BANK1: variants seen among roughly 807,000 people sequenced by gnomAD.
BANK1 encodes the protein B cell scaffold protein with ankyrin repeats 1, also known as B-cell scaffold protein with ankyrin repeats.
Under a neutral mutation model 94.5 loss-of-function variants are expected in BANK1, and 95 were observed. The ratio of observed to expected loss-of-function variants is 1.00; its 90% CI spans 0.85 to 1.19. The LOEUF is 1.19. BANK1 is among the 50% of genes most tolerant of loss of function. BANK1 has a pLI of 0.00. For missense variants in BANK1, 987 were observed against 932.2 expected (o/e 1.06, Z -0.77); for synonymous variants, 334 against 308.4 (o/e 1.08, Z -0.87).
intron 5 of BANK1, among the ~76,000 whole-genome samples, chr4:101,887,857 A>C (rs1170972962): frequency 6.6e-6 from 1 of 152,194 alleles, no homozygotes; most frequent in African/African-American, 2.4e-5. Context: ...TCTCTTTTAG[A>C]TTTATACATT....
At chr4:101,800,137 G>A (rs540619448) in intron 1 of BANK1, among the ~76,000 whole-genome samples, 35 of 21,132 alleles carry the variant, frequency 1.7e-3, no homozygotes, top group African/African-American at 5.6e-3. Flanking sequence ...GTTGTTGGGT[G>A]GGGGGAGGGG....
At chr4:101,847,050 C>A (rs976650237) in intron 2 of BANK1, among the ~76,000 whole-genome samples, 1 of 152,142 alleles carries the variant, frequency 6.6e-6, no homozygotes, top group African/African-American at 2.4e-5. Flanking sequence ...TGCCTCCCCT[C>A]ATTAGATTGC....
intron 2 of BANK1, among the ~76,000 whole-genome samples, chr4:101,839,936 AATTTTTTTT>A (rs1396537020): frequency 0.025 from 2,007 of 78,970 alleles, 140 homozygotes; most frequent in African/African-American, 0.088. Flanking sequence ...TCAAATATTT[AATTTTTTTT>A]TTTTTTTTTT....
chr4:101,954,124 A>G (rs1261298695), intron 7 of BANK1, among the ~76,000 whole-genome samples: 1 of 151,924 alleles, frequency 6.6e-6, no homozygotes, highest in East Asian at 1.9e-4. Context: ...TCTTCACAAT[A>G]TGTTTTCCCT....
intron 3 of BANK1, among the ~76,000 whole-genome samples, chr4:101,857,700 ATTTC>A (rs1273278284): frequency 6.6e-6 from 1 of 151,994 alleles, no homozygotes; most frequent in African/African-American, 2.4e-5. Flanking sequence ...ATTTTACTTT[ATTTC>A]TTTAACTTTT....
Position 101,971,954 on chromosome 4 carries a change from C to T in BANK1, c.1207-49560C>T, listed in dbSNP as rs190644500. Among the ~76,000 whole-genome samples, 162 of 152,048 alleles carry T rather than the reference C, an allele frequency of 1.1e-3. 1 individual carries two copies. The highest frequency in any genetic ancestry group is 3.9e-3 in the African/African-American group (161 of 41,508). ...CTTTGTTCTTTTTGTACAATATTGC[C>T]TTGGCTATTTGGGGTTCTTTGTGTT... is the stretch of plus-strand genomic sequence containing the variant. On this transcript the variant is annotated intron_variant, in intron 7 of 16. Coordinates refer to ENST00000322953, the MANE Select transcript of BANK1 (RefSeq NM_017935.5).
At chr4:101,904,589 A>C (rs1031531390) in intron 6 of BANK1, among the ~76,000 whole-genome samples, 2 of 152,094 alleles carry the variant, frequency 1.3e-5, no homozygotes, top group Non-Finnish European at 1.5e-5. Context: ...AAACCTTGCA[A>C]ATTTTTTTCT....
chr4:101,929,885 T>G (rs904861355), intron 7 of BANK1, among the ~76,000 whole-genome samples: 3 of 151,466 alleles, frequency 2.0e-5, no homozygotes, highest in Admixed American at 2.0e-4. Flanking sequence ...GAAGTCTAGT[T>G]ACAAGAAATA....
intron 1 of BANK1, among the ~76,000 whole-genome samples, chr4:101,820,323 T>G (rs540428796): frequency 4.6e-5 from 7 of 152,348 alleles, no homozygotes; most frequent in African/African-American, 1.4e-4. Flanking sequence ...AATCGTTTTT[T>G]GTGGAATTTT....
At chr4:102,045,612 A>G (rs1004268000) in intron 11 of BANK1, among the ~76,000 whole-genome samples, 3 of 152,150 alleles carry the variant, frequency 2.0e-5, no homozygotes, top group Admixed American at 6.6e-5. Context: ...TACAAAATCA[A>G]TGTACAAAAA....
At chr4:101,835,556 A>C (rs1726791975) in intron 2 of BANK1, among the ~76,000 whole-genome samples, 2 of 152,212 alleles carry the variant, frequency 1.3e-5, no homozygotes, top group Non-Finnish European at 2.9e-5. Context: ...ACACTTTTTA[A>C]AAGAAGGACA....
At chr4:102,013,713 T>C (rs924627965) in intron 7 of BANK1, among the ~76,000 whole-genome samples, 1 of 151,926 alleles carries the variant, frequency 6.6e-6, no homozygotes, top group African/African-American at 2.4e-5. Flanking sequence ...TTTAATCTTT[T>C]GAAGATTTGG....
At chr4:101,938,394 C>T (rs1020179996) in intron 7 of BANK1, among the ~76,000 whole-genome samples, 1 of 151,298 alleles carries the variant, frequency 6.6e-6, no homozygotes, top group Non-Finnish European at 1.5e-5. Flanking sequence ...TGTAGCACAA[C>T]AGGGTTACTA....
At chr4:101,911,665 G>A (rs550671944) in intron 6 of BANK1, among the ~76,000 whole-genome samples, 2 of 152,244 alleles carry the variant, frequency 1.3e-5, no homozygotes, top group Admixed American at 1.3e-4. Flanking sequence ...TAATATTTGA[G>A]CTCCCCAAAT....
chr4:101,863,151 T>G (rs1242922689), intron 4 of BANK1, among the ~76,000 whole-genome samples: 1 of 152,046 alleles, frequency 6.6e-6, no homozygotes, highest in Non-Finnish European at 1.5e-5. Context: ...CTTCTCATCT[T>G]TTCCTCATCT....
chr4:102,073,887 A>G, intron 16 of BANK1, 118 bp from the exon 17 acceptor site: 4 of 635,358 alleles, frequency 6.3e-6, no homozygotes, highest in Non-Finnish European at 1.0e-5. Context: ...GTATTTTTCA[A>G]GCTAAAGGTG....
chr4:101,820,342 C>T (rs1380963682), intron 1 of BANK1, among the ~76,000 whole-genome samples: 2 of 152,106 alleles, frequency 1.3e-5, no homozygotes. Flanking sequence ...TTCTCCCTTC[C>T]CTTGTGGGAT....
intron 7 of BANK1, among the ~76,000 whole-genome samples, chr4:101,975,585 A>T (rs73834527): frequency 9.3e-4 from 142 of 152,308 alleles, no homozygotes; most frequent in African/African-American, 3.1e-3. Context: ...GGCAGTGCTA[A>T]TAATAAAATC....
chr4:102,029,771 C>G (rs1253471035), intron 9 of BANK1, among the ~76,000 whole-genome samples, 189 bp from the exon 10 acceptor site: 1 of 151,998 alleles, frequency 6.6e-6, no homozygotes, highest in African/African-American at 2.4e-5. Context: ...GTAAGTTACA[C>G]AGCTCACTTT....
Sources: allele counts gnomAD v4.1 joint callset (sites outside exome capture counted in the v4.1 genomes callset), GRCh38; gene constraint gnomAD v4.1.1; transcripts MANE v1.5; gene names NCBI Gene and HGNC (gene_info 2026-07-23, HGNC 2026-07-21).